Variants in ARHGAP12 observed in about 807,000 individuals in gnomAD.
ARHGAP12 encodes the protein Rho GTPase activating protein 12, also known as rho GTPase-activating protein 12.
ARHGAP12 carries 64 observed loss-of-function variants against 108.6 expected under a neutral mutation model. The observed-to-expected ratio is 0.59, with a 90% CI of 0.48 to 0.73. ARHGAP12 has a LOEUF of 0.73. Ranked by LOEUF, ARHGAP12 falls within the 30% of genes least tolerant of loss-of-function variation. The pLI, the probability that ARHGAP12 is intolerant of heterozygous loss-of-function variation, is 0.00. For missense variants in ARHGAP12, 940 were observed against 1,005.9 expected, an observed-to-expected ratio of 0.93 and a Z score of 0.89; for synonymous variants, 312 against 337.2, an observed-to-expected ratio of 0.93 and a Z score of 0.82.
chr10:31,918,088 T>C (rs2132484996), intron 1 of ARHGAP12, among the ~76,000 whole-genome samples: 1 of 152,200 alleles, frequency 6.6e-6, no homozygotes, highest in East Asian at 1.9e-4. Flanking sequence ...CCTGAGTAGC[T>C]AGGACTACAG....
chr10:31,922,301 C>A (rs184225047), intron 1 of ARHGAP12, among the ~76,000 whole-genome samples: 2 of 150,520 alleles, frequency 1.3e-5, no homozygotes, highest in Non-Finnish European at 3.0e-5. Flanking sequence ...AAAAGGTAAC[C>A]AGAGACATAA....
chr10:31,823,889 G>C (rs1835503921), intron 11 of ARHGAP12, among the ~76,000 whole-genome samples: 1 of 152,104 alleles, frequency 6.6e-6, no homozygotes, highest in African/African-American at 2.4e-5. Context: ...GGTAAGATGT[G>C]ATTCTGCTGT....
intron 9 of ARHGAP12, among the ~76,000 whole-genome samples, chr10:31,838,957 A>C (rs1836142720): frequency 6.6e-6 from 1 of 152,072 alleles, no homozygotes; most frequent in Admixed American, 6.6e-5. Flanking sequence ...TTGAGGCTGC[A>C]GTGAGCTATG....
intron 3 of ARHGAP12, among the ~76,000 whole-genome samples, chr10:31,905,254 G>A (rs1233609277): frequency 6.6e-6 from 1 of 151,806 alleles, no homozygotes; most frequent in East Asian, 1.9e-4. Context: ...ATAAAATTTT[G>A]CGGGGTTTTT....
At position 31,854,062 on chromosome 10, in the gene ARHGAP12, G is replaced by A; in HGVS notation, c.1089+4C>T. The stretch of plus-strand genomic sequence containing the variant: ...AAACACTAGATGAGAAAAAAAGAAT[G>A]TACCTTTTCATTAGTATAGTCACTG... On this transcript the variant is annotated splice_donor_region_variant and intron_variant, in intron 5 of 19. Transcript: ENST00000344936. 6.3e-7 allele frequency: 1 copy of A among 1,599,330 alleles called. No homozygotes were observed. Among genetic ancestry groups the A allele is most frequent in the Non-Finnish European group, 8.5e-7 (1 of 1,175,214 alleles).
chr10:31,843,803 AGTGTT>A (rs1409685220), intron 6 of ARHGAP12, among the ~76,000 whole-genome samples: 1 of 152,226 alleles, frequency 6.6e-6, no homozygotes, highest in African/African-American at 2.4e-5. Context: ...AGACCAAGGT[AGTGTT>A]ATCTTTGGTA....
At chr10:31,848,260 C>T (rs1814579728) in intron 6 of ARHGAP12, among the ~76,000 whole-genome samples, 1 of 152,130 alleles carries the variant, frequency 6.6e-6, no homozygotes, top group Non-Finnish European at 1.5e-5. Flanking sequence ...TCCAGTGGTG[C>T]CATCTACTGC....
At chr10:31,862,705 G>GACACACACACAC (rs559731195) in intron 3 of ARHGAP12, among the ~76,000 whole-genome samples, 47 of 133,184 alleles carry the variant, frequency 3.5e-4, no homozygotes, top group South Asian at 7.4e-4. Flanking sequence ...TGCACACACA[G>GACACACACACAC]ACACACACAC....
At chr10:31,887,145 T>A (rs1838219318) in intron 3 of ARHGAP12, among the ~76,000 whole-genome samples, 1 of 152,108 alleles carries the variant, frequency 6.6e-6, no homozygotes. Context: ...AAATCTACAA[T>A]CTGCAGGGTA....
chr10:31,861,798 A>C (rs1837128314), intron 3 of ARHGAP12, 140 bp from the exon 4 acceptor site: 3 of 840,868 alleles, frequency 3.6e-6, no homozygotes, highest in Admixed American at 3.5e-5. Flanking sequence ...AGGAAATAAT[A>C]ATTTAACAGT....
intron 1 of ARHGAP12, among the ~76,000 whole-genome samples, chr10:31,928,174 G>GCGCGCACACA (rs149445215): frequency 8.7e-5 from 13 of 149,294 alleles, no homozygotes; most frequent in African/African-American, 3.2e-4. Flanking sequence ...GGCCTTTTGC[G>GCGCGCACACA]CACACACACA....
intron 11 of ARHGAP12, among the ~76,000 whole-genome samples, chr10:31,822,904 C>A (rs1311568405): frequency 6.6e-6 from 1 of 152,004 alleles, no homozygotes; most frequent in African/African-American, 2.4e-5. Flanking sequence ...CTGCTAAACA[C>A]CCTACCACGC....
chr10:31,916,467 C>T (rs760199698), intron 1 of ARHGAP12, among the ~76,000 whole-genome samples: 2 of 152,126 alleles, frequency 1.3e-5, no homozygotes, highest in Non-Finnish European at 2.9e-5. Flanking sequence ...TTAAAATTTT[C>T]TTCCCATTTA....
At chr10:31,854,994 GAGGAGGAGGAGGAGC>G (rs1836831133) in intron 4 of ARHGAP12, among the ~76,000 whole-genome samples, 1 of 133,840 alleles carries the variant, frequency 7.5e-6, no homozygotes, top group East Asian at 2.4e-4. Context: ...CAAGGAGGAG[GAGGAGGAGGAGGAGC>G]AGGAGGAGGA....
chr10:31,830,599 C>T (rs183848009), intron 10 of ARHGAP12, among the ~76,000 whole-genome samples: 171 of 151,950 alleles, frequency 1.1e-3, no homozygotes, highest in African/African-American at 3.8e-3. Flanking sequence ...CAAAGTCTGA[C>T]AAAAAATAGT....
Position 31,904,150 on chromosome 10 carries a change from C to T in ARHGAP12, c.684+4022G>A, listed in dbSNP as rs1592363434. 2.6e-5 allele frequency among the ~76,000 whole-genome samples: 4 copies of T among 152,276 alleles called. No individual in the cohort carries two copies. In the East Asian group the frequency reaches 7.7e-4, roughly 29 times the overall value. On this transcript the variant is annotated intron_variant, in intron 3 of 19. Transcript: ENST00000344936. ...ATGAAAAGTTATATTCACATAAAAA[C>T]CTGTACAGAAATGTTTACAGCAGCT... is the stretch of plus-strand genomic sequence containing the variant.
intron 3 of ARHGAP12, 55 bp from the exon 4 acceptor site, chr10:31,861,713 A>C: frequency 6.7e-7 from 1 of 1,489,192 alleles, no homozygotes; most frequent in Non-Finnish European, 9.0e-7. Context: ...CATTTAAGTC[A>C]AAATTAAATG....
chr10:31,864,740 T>G (rs939954495), intron 3 of ARHGAP12, among the ~76,000 whole-genome samples: 1 of 152,216 alleles, frequency 6.6e-6, no homozygotes, highest in African/African-American at 2.4e-5. Context: ...GTTGTGTCCC[T>G]TTTTAAGATA....
Position 31,837,582 on chromosome 10 carries a change from T to C in ARHGAP12, c.1386+1723A>G, listed in dbSNP as rs142816122. Among the ~76,000 whole-genome samples the C allele has an allele frequency of 4.3e-3, 659 of 152,244 alleles. 3 individuals are homozygous for C. The highest frequency in any genetic ancestry group is 0.015 in the African/African-American group (620 of 41,542). Reference sequence around the variant, plus strand: ...CTGGAAGGGTCCATCTTGATGGAGGTATAGGATTTAACTATGTATAGAAAA... The same window carrying C: ...CTGGAAGGGTCCATCTTGATGGAGGCATAGGATTTAACTATGTATAGAAAA... On this transcript the variant is annotated intron_variant, in intron 9 of 19. Coordinates refer to ENST00000344936, the MANE Select transcript of ARHGAP12 (RefSeq NM_018287.7).
Sources: gnomAD v4.1 joint callset for allele counts (sites outside exome capture counted in the v4.1 genomes callset) on GRCh38, gnomAD v4.1.1 for gene constraint, MANE v1.5 for transcripts, NCBI Gene and HGNC (gene_info 2026-07-23, HGNC 2026-07-21) for gene names.